CFAP36: variants seen among roughly 807,000 people sequenced by gnomAD.
CFAP36 encodes the protein cilia and flagella associated protein 36.
In CFAP36, 37 loss-of-function variants were observed where a neutral mutation model predicts 50.5. The ratio of observed to expected loss-of-function variants is 0.73; its 90% CI spans 0.56 to 0.96. The LOEUF is 0.96. CFAP36 is among the 50% of genes least tolerant of loss of function. The pLI, the probability that CFAP36 is intolerant of heterozygous loss-of-function variation, is 0.00. For missense variants in CFAP36, 407 were observed against 396.2 expected, an observed-to-expected ratio of 1.03 and a Z score of -0.23; for synonymous variants, 138 against 128.2, an observed-to-expected ratio of 1.08 and a Z score of -0.52.
Position 55,523,804 on chromosome 2 carries a change from A to G in CFAP36, c.264A>G (p.Ala88=). 1 of 1,607,914 alleles carries G rather than the reference A, an allele frequency of 6.2e-7. No homozygotes were observed. The highest frequency in any genetic ancestry group is 8.5e-7 in the Non-Finnish European group (1 of 1,176,130). ...QFQEACTSPL[A]KTHTSQAILQ... The stretch of plus-strand genomic sequence containing the variant: ...AAGAAGCATGCACTTCTCCTCTTGC[A>G]AAGACCCATACATCACAGGTTTTTG... Residue 88 remains alanine, a synonymous_variant, in exon 3 of 10, where the codon GCA becomes GCG. Coordinates refer to ENST00000349456, the MANE Select transcript of CFAP36 (RefSeq NM_080667.7).
Position 55,536,041 on chromosome 2 carries a change from A to G in CFAP36, c.537+278A>G, listed in dbSNP as rs375561657. 247 of 488,000 alleles carry G rather than the reference A, an allele frequency of 5.1e-4. 4 individuals are homozygous for G. In the South Asian group the frequency reaches 0.023, roughly 46 times the overall value. 30.2% of individuals were successfully genotyped at this position (488,000 alleles called of 1,614,324 possible). A position where few individuals can be genotyped will look rare whatever the true frequency, so the allele number is the denominator to read the frequency against. The stretch of plus-strand genomic sequence containing the variant: ...ACAGGACATGCATATAAGCAAGAGT[A>G]GTCATTTTTTTTGGCAAGTTTAAGC... On this transcript the variant is annotated intron_variant, in intron 6 of 9. Coordinates refer to ENST00000349456, the MANE Select transcript of CFAP36 (RefSeq NM_080667.7).
chr2:55,542,921 G>T (rs1462182209), intron 7 of CFAP36, among the ~76,000 whole-genome samples: 1 of 152,186 alleles, frequency 6.6e-6, no homozygotes, highest in Non-Finnish European at 1.5e-5. Flanking sequence ...TTCCCTTATT[G>T]TCCAAGGGTC....
intron 6 of CFAP36, among the ~76,000 whole-genome samples, chr2:55,537,227 C>T (rs576759665): frequency 1.3e-5 from 2 of 152,050 alleles, no homozygotes; most frequent in South Asian, 2.1e-4. Context: ...AACAATTAGC[C>T]GAGCGTGGTA....
chr2:55,534,740 A>G (rs1019543904), intron 5 of CFAP36, among the ~76,000 whole-genome samples: 3 of 152,134 alleles, frequency 2.0e-5, no homozygotes, highest in Non-Finnish European at 2.9e-5. Flanking sequence ...TTCTCCAACT[A>G]TACTACCACA....
At chr2:55,520,442 C>A in intron 1 of CFAP36, 3 of 1,548,430 alleles carry the variant, frequency 1.9e-6, no homozygotes, top group Non-Finnish European at 2.6e-6. Flanking sequence ...CTCCAGGAAG[C>A]CCAGAGCCGG....
intron 4 of CFAP36, among the ~76,000 whole-genome samples, chr2:55,532,275 A>C (rs933743527): frequency 2.0e-5 from 3 of 152,062 alleles, no homozygotes; most frequent in Non-Finnish European, 4.4e-5. Flanking sequence ...AATACCTTAG[A>C]TTAATGTTGA....
In CFAP36 at chr2:55,519,845, G is replaced by A; in HGVS notation, c.44G>A (p.Ser15Asn). ...EEDEVEWVVE[S>N]IAGFLRGPDW... is the part of the protein sequence containing the mutation. ...GACGAGGTGGAGTGGGTAGTGGAGAGCATCGCGGGGTTCCTGCGAGGCCCA... is the reference window on the plus strand; with the variant it reads ...GACGAGGTGGAGTGGGTAGTGGAGAACATCGCGGGGTTCCTGCGAGGCCCA... The change falls in exon 1 of 10, where the codon AGC (serine) becomes AAC (asparagine). Residue 15 changes from serine to asparagine, a missense_variant. By Grantham distance (46) the Ser-to-Asn change is conservative. Transcript: ENST00000349456. 6.2e-7 allele frequency: 1 copy of A among 1,614,262 alleles called. No homozygotes were observed. Among genetic ancestry groups the A allele is most frequent in the Non-Finnish European group, 8.5e-7 (1 of 1,180,050 alleles).
intron 7 of CFAP36, among the ~76,000 whole-genome samples, chr2:55,542,495 T>C (rs1243541891): frequency 6.6e-6 from 1 of 152,190 alleles, no homozygotes; most frequent in African/African-American, 2.4e-5. Context: ...GTGTCTTTTC[T>C]CAGATTGATG....
intron 4 of CFAP36, among the ~76,000 whole-genome samples, chr2:55,530,194 T>TG (rs1419949649): frequency 1.3e-5 from 2 of 152,130 alleles, no homozygotes; most frequent in Non-Finnish European, 2.9e-5. Flanking sequence ...CTGATGGTTT[T>TG]GGGAAAGGGG....
chr2:55,520,623 A>G (rs1684037663), intron 1 of CFAP36: 5 of 577,600 alleles, frequency 8.7e-6, no homozygotes, highest in Non-Finnish European at 1.4e-5. Flanking sequence ...TCAGGCTTGG[A>G]GTTCTGCATT....
At chr2:55,539,045 C>T in intron 7 of CFAP36, 1 of 661,644 alleles carries the variant, frequency 1.5e-6, no homozygotes, top group Non-Finnish European at 2.1e-6. Context: ...TAGTACATGC[C>T]TAGCCTCTCC....
At chr2:55,533,519 A>G (rs1684404115) in intron 4 of CFAP36, among the ~76,000 whole-genome samples, 1 of 151,916 alleles carries the variant, frequency 6.6e-6, no homozygotes, top group South Asian at 2.1e-4. Flanking sequence ...GCCTGCCGAC[A>G]TGGTGAAACC....
intron 4 of CFAP36, among the ~76,000 whole-genome samples, chr2:55,532,015 T>A (rs184554581): frequency 1.3e-5 from 2 of 152,164 alleles, no homozygotes. Flanking sequence ...TGCTACAGAA[T>A]TTCTAATACA....
intron 5 of CFAP36, among the ~76,000 whole-genome samples, 179 bp from the exon 6 acceptor site, chr2:55,535,533 C>T (rs1684457892): frequency 6.6e-6 from 1 of 152,116 alleles, no homozygotes; most frequent in African/African-American, 2.4e-5. Context: ...TGCTGTATGC[C>T]TATGTATGTC....
Position 55,521,037 on chromosome 2 carries a change from A to G in CFAP36, c.116-1065A>G, listed in dbSNP as rs193023237. Among the ~76,000 whole-genome samples the G allele has an allele frequency of 2.6e-5, 4 of 152,338 alleles. No individual in the cohort carries two copies. In the East Asian group the frequency reaches 5.8e-4, roughly 22 times the overall value. Reference sequence around the variant, plus strand: ...ACCTTTTAAGACTTCTTTAAATTCCAAGATATCATGAATCTGGTAAAGATG... The same window carrying G: ...ACCTTTTAAGACTTCTTTAAATTCCGAGATATCATGAATCTGGTAAAGATG... On this transcript the variant is annotated intron_variant, in intron 1 of 9. Coordinates refer to ENST00000349456, the MANE Select transcript of CFAP36 (RefSeq NM_080667.7).
Position 55,536,482 on chromosome 2 carries a change from A to T in CFAP36, c.537+719A>T, listed in dbSNP as rs577530944. On this transcript the variant is annotated intron_variant, in intron 6 of 9. Coordinates refer to ENST00000349456, the MANE Select transcript of CFAP36 (RefSeq NM_080667.7). ...TATTTATTTTTTTGGAGACAGTCTCACTCTGACACCTGGGCTGGAGTGCAG... is the reference window on the plus strand; with the variant it reads ...TATTTATTTTTTTGGAGACAGTCTCTCTCTGACACCTGGGCTGGAGTGCAG... 1.5e-4 allele frequency among the ~76,000 whole-genome samples: 22 copies of T among 151,150 alleles called. No homozygotes were observed. The East Asian group carries it at 4.1e-3, about 28-fold the overall frequency.
chr2:55,520,738 C>G (rs943229439), intron 1 of CFAP36, among the ~76,000 whole-genome samples: 6 of 152,144 alleles, frequency 3.9e-5, no homozygotes, highest in Non-Finnish European at 7.4e-5. Flanking sequence ...TCGGGCAAGA[C>G]TTTGAGGGTA....
At chr2:55,529,121 T>A in intron 4 of CFAP36, 129 bp downstream of exon 4, 1 of 688,350 alleles carries the variant, frequency 1.5e-6, no homozygotes, top group Non-Finnish European at 2.4e-6. Flanking sequence ...TTCAGCTGAC[T>A]TGAGATTTTA....
intron 1 of CFAP36, chr2:55,520,318 G>C: frequency 8.3e-7 from 1 of 1,202,850 alleles, no homozygotes; most frequent in Non-Finnish European, 1.1e-6. Context: ...AGAAGCGTCG[G>C]TTTACCTGAG....
Sources: gnomAD v4.1 joint callset for allele counts (sites outside exome capture counted in the v4.1 genomes callset) on GRCh38, gnomAD v4.1.1 for gene constraint, MANE v1.5 for transcripts, NCBI Gene and HGNC (gene_info 2026-07-23, HGNC 2026-07-21) for gene names.